Variants in NT5C2 observed in about 807,000 individuals in gnomAD.
NT5C2 encodes cytosolic purine 5'-nucleotidase.
In NT5C2, 58 loss-of-function variants were observed where a neutral mutation model predicts 76.1. That is an observed-to-expected ratio of 0.76 (90% confidence interval 0.62 to 0.95). The LOEUF (loss-of-function observed/expected upper bound fraction) is 0.95. NT5C2 is among the 40% of genes least tolerant of loss of function. The pLI is 0.00. For synonymous variants in NT5C2, 229 were observed against 237.4 expected (o/e 0.96, Z 0.32); for missense variants, 478 against 690.3 (o/e 0.69, Z 3.45).
intron 3 of NT5C2, among the ~76,000 whole-genome samples, chr10:103,161,817 A>G (rs1840095124): frequency 6.6e-6 from 1 of 152,214 alleles, no homozygotes; most frequent in South Asian, 2.1e-4. Context: ...TTTATATGAA[A>G]TATCCAGAAT....
chr10:103,126,279 A>G (rs1446106228), intron 4 of NT5C2, among the ~76,000 whole-genome samples: 1 of 152,178 alleles, frequency 6.6e-6, no homozygotes, highest in East Asian at 1.9e-4. Context: ...TCGCTAAAGT[A>G]ATTTGGGGTG....
intron 3 of NT5C2, among the ~76,000 whole-genome samples, chr10:103,172,025 C>A (rs992511613): frequency 3.9e-5 from 6 of 151,940 alleles, no homozygotes; most frequent in Admixed American, 3.3e-4. Flanking sequence ...GCCTGGCAAA[C>A]ACGGTGAAAC....
chr10:103,180,937 A>G (rs1158821986), intron 2 of NT5C2, among the ~76,000 whole-genome samples: 3 of 152,190 alleles, frequency 2.0e-5, no homozygotes, highest in African/African-American at 7.2e-5. Flanking sequence ...AGACAAAAAG[A>G]GTACATAGTG....
rs114814707 is a variant in NT5C2, at chr10:103,145,645, G to A, written c.102-6166C>T. On this transcript the variant is annotated intron_variant, in intron 3 of 18. Transcript: ENST00000404739. ...ACAAACTTGCCGCCCTAGAAAGCAT[G>A]ACTAAACTAAGCATCCAATCTTAAA... is the stretch of plus-strand genomic sequence containing the variant. Among the ~76,000 whole-genome samples, 124 of 152,250 alleles carry A rather than the reference G, an allele frequency of 8.1e-4. 1 individual carries two copies. Among genetic ancestry groups the A allele is most frequent in the African/African-American group, 2.8e-3 (116 of 41,564 alleles).
At position 103,089,493 on chromosome 10, in the gene NT5C2, T is replaced by A; in HGVS notation, c.*179A>T. ...ACAATTTTGGACCATCTGCAGAGAG[T>A]ACAGATACACAAAACCAAAACAAGT... On this transcript the variant is annotated 3_prime_UTR_variant, in exon 19 of 19. Transcript: ENST00000404739. The A allele has an allele frequency of 8.7e-7, 1 of 1,150,620 alleles. No individual in the cohort carries two copies. Among genetic ancestry groups the A allele is most frequent in the Admixed American group, 3.4e-5 (1 of 29,782 alleles). The allele number at this position is 1,150,620 out of a possible 1,614,324, so 71.3% of individuals were successfully genotyped here. A position where few individuals can be genotyped will look rare whatever the true frequency, so the allele number is the denominator to read the frequency against.
rs1411848381 is a variant in NT5C2, at chr10:103,101,082, G to A, written c.502C>T (p.Leu168=). Residue 168 remains leucine (L), a synonymous_variant, in exon 8 of 19, where the codon CTA becomes TTA. Coordinates refer to ENST00000404739, the MANE Select transcript of NT5C2 (RefSeq NM_001351169.2). ...GGACAATTAGTAAAAAAATCTACTAGGCAGGCCAACAGGTAGGTCTCTGAA... is the reference window on the plus strand; with the variant it reads ...GGACAATTAGTAAAAAAATCTACTAAGCAGGCCAACAGGTAGGTCTCTGAA... The part of the protein sequence containing the change: ...NLPETYLLAC[L]VDFFTNCPRY... 1 of 1,589,062 alleles carries A rather than the reference G, an allele frequency of 6.3e-7. No individual in the cohort carries two copies. The highest frequency in any genetic ancestry group is 1.7e-5 in the Admixed American group (1 of 59,968).
intron 4 of NT5C2, among the ~76,000 whole-genome samples, chr10:103,127,190 A>T (rs1195954255): frequency 6.6e-6 from 1 of 152,242 alleles, no homozygotes; most frequent in Non-Finnish European, 1.5e-5. Flanking sequence ...ATAAAGTGTT[A>T]ATCTACAACA....
chr10:103,160,017 CA>C (rs1369624773), intron 3 of NT5C2, among the ~76,000 whole-genome samples: 2 of 152,160 alleles, frequency 1.3e-5, no homozygotes, highest in African/African-American at 4.8e-5. Context: ...CTGCAGTAAT[CA>C]AGACTGTGTG....
At chr10:103,190,944 C>T (rs1483771027) in intron 1 of NT5C2, among the ~76,000 whole-genome samples, 1 of 152,012 alleles carries the variant, frequency 6.6e-6, no homozygotes, top group Non-Finnish European at 1.5e-5. Flanking sequence ...GAGCAAAATC[C>T]CAAATAATAT....
At chr10:103,162,345 C>T (rs1327594716) in intron 3 of NT5C2, among the ~76,000 whole-genome samples, 2 of 152,030 alleles carry the variant, frequency 1.3e-5, no homozygotes, top group Admixed American at 6.6e-5. Flanking sequence ...AATACACACA[C>T]ACACCTTCCA....
chr10:103,181,072 A>G (rs1335120586), intron 2 of NT5C2, 113 bp downstream of exon 2: 1 of 152,152 alleles, frequency 6.6e-6, no homozygotes, highest in African/African-American at 2.4e-5. Context: ...AGCCCAGGAA[A>G]ACTTTTGGGG....
chr10:103,163,613 T>C (rs1189638931), intron 3 of NT5C2, among the ~76,000 whole-genome samples: 3 of 152,076 alleles, frequency 2.0e-5, no homozygotes, highest in South Asian at 2.1e-4. Flanking sequence ...TATTTTCATA[T>C]TGTTAAATTT....
intron 9 of NT5C2, among the ~76,000 whole-genome samples, chr10:103,099,460 G>A (rs544201021): frequency 5.3e-5 from 8 of 152,266 alleles, no homozygotes; most frequent in Middle Eastern, 3.4e-3. Flanking sequence ...ATGATTTGCT[G>A]CAACCCTGCC....
intron 4 of NT5C2, among the ~76,000 whole-genome samples, chr10:103,128,998 G>A (rs1201900409): frequency 2.7e-5 from 3 of 110,324 alleles, no homozygotes; most frequent in South Asian, 3.3e-4. Flanking sequence ...CCCCCCGCCC[G>A]GCCAGCCGCC....
At chr10:103,090,547 CA>C in intron 18 of NT5C2, 63 bp downstream of exon 18, 1 of 1,440,466 alleles carries the variant, frequency 6.9e-7, no homozygotes, top group Non-Finnish European at 9.5e-7. Context: ...TGCCATCTCA[CA>C]AAGGTGGTTG....
rs549131566 is a variant in NT5C2 at position 103,183,661 on chromosome 10, C to CAT, written c.-168-2335_-168-2334dup. Reference sequence around the variant, plus strand: ...ATATACATACACACATACACACACACATATATATATACTTTAAGTGGGGGT... The same window carrying CAT: ...ATATACATACACACATACACACACACATATATATATATACTTTAAGTGGGGGT... On this transcript the variant is annotated intron_variant, in intron 1 of 18. Coordinates refer to ENST00000404739, the MANE Select transcript of NT5C2 (RefSeq NM_001351169.2). 1.4e-3 allele frequency among the ~76,000 whole-genome samples: 213 copies of CAT among 150,820 alleles called. 3 individuals are homozygous for CAT. In the Middle Eastern group the frequency reaches 0.051, roughly 36 times the overall value.
chr10:103,129,513 C>A (rs1427047107), intron 4 of NT5C2, among the ~76,000 whole-genome samples: 2 of 116,688 alleles, frequency 1.7e-5, no homozygotes, highest in Admixed American at 7.9e-5. Flanking sequence ...CCGCCCCGTC[C>A]GGGAGGGAGG....
Position 103,101,112 on chromosome 10 carries a change from G to T in NT5C2, c.482-10C>A. 1 of 1,586,694 alleles carries T rather than the reference G, an allele frequency of 6.3e-7. No homozygotes were observed. The highest frequency in any genetic ancestry group is 1.7e-4 in the Middle Eastern group (1 of 5,990). On this transcript the variant is annotated splice_polypyrimidine_tract_variant and intron_variant, in intron 7 of 18. Transcript: ENST00000404739. Reference sequence around the variant, plus strand: ...GCCAACAGGTAGGTCTCTGAAAAATGAAGAACAGATATTCATAAGCTATAA... The same window carrying T: ...GCCAACAGGTAGGTCTCTGAAAAATTAAGAACAGATATTCATAAGCTATAA...
chr10:103,100,485 T>A lies in NT5C2; in HGVS notation c.540-466A>T, dbSNP rs568563744. ...TCAAGTGGATAAAGCCCAAAGAGGA[T>A]AAGAAGTTAGCCAACTCTGGTATAT... On this transcript the variant is annotated intron_variant, in intron 8 of 18. Transcript: ENST00000404739. Among the ~76,000 whole-genome samples, 37 of 152,306 alleles carry A rather than the reference T, an allele frequency of 2.4e-4. No homozygotes were observed. The South Asian group carries it at 3.1e-3, about 13-fold the overall frequency.
Sources: allele counts gnomAD v4.1 joint callset (sites outside exome capture counted in the v4.1 genomes callset), GRCh38; gene constraint gnomAD v4.1.1; transcripts MANE v1.5; gene names NCBI Gene and HGNC (gene_info 2026-07-23, HGNC 2026-07-21).